Variants in SCAMP4 observed in about 807,000 individuals in gnomAD.
SCAMP4 encodes secretory carrier-associated membrane protein 4.
Under a neutral mutation model 32.1 loss-of-function variants are expected in SCAMP4, and 19 were observed. The observed-to-expected ratio is 0.59, with a 90% CI of 0.41 to 0.87. SCAMP4 has a LOEUF of 0.87. Ranked by LOEUF, SCAMP4 falls within the 40% of genes least tolerant of loss-of-function variation. The pLI, the probability that SCAMP4 is intolerant of heterozygous loss-of-function variation, is 0.00. For synonymous variants in SCAMP4, 152 were observed against 132.7 expected (o/e 1.15, Z -1.00); for missense variants, 302 against 309.0 (o/e 0.98, Z 0.17).
intron 2 of SCAMP4, chr19:1,915,363 T>G: frequency 7.2e-6 from 3 of 415,726 alleles, no homozygotes; most frequent in Non-Finnish European, 1.3e-5. Flanking sequence ...CTGGCAGCCT[T>G]CCCCAGTGGG....
intron 5 of SCAMP4, chr19:1,922,566 C>T (rs117960620): frequency 0.035 from 34,043 of 985,318 alleles, 663 homozygotes; most frequent in Non-Finnish European, 0.038. Context: ...CCTCAGTGCC[C>T]ACCGGGTGAT....
At chr19:1,921,251 C>G (rs1018915438) in intron 5 of SCAMP4, 2 of 985,190 alleles carry the variant, frequency 2.0e-6, no homozygotes, top group Admixed American at 6.1e-5. Flanking sequence ...AGGCGACAGC[C>G]CCGCTCTCCC....
intron 5 of SCAMP4, chr19:1,921,510 G>A: frequency 1.0e-6 from 1 of 985,428 alleles, no homozygotes; most frequent in Non-Finnish European, 1.2e-6. Context: ...CCTCTAAGCG[G>A]AGCATGCAGC....
Position 1,908,528 on chromosome 19 carries a change from C to A in SCAMP4, c.-42+3089C>A, listed in dbSNP as rs752759753. ...TACCAGCGGGGATGTGTAGTCCAGG[C>A]TGGCAGTTCAGGATCACCCGGCTGG... On this transcript the variant is annotated intron_variant, in intron 1 of 6. Transcript: ENST00000316097. The surrounding 1 kb of genome is among the most constrained non-coding windows in gnomAD (Gnocchi z 4.2). 4.2e-6 allele frequency: 2 copies of A among 471,138 alleles called. No individual in the cohort carries two copies. Among genetic ancestry groups the A allele is most frequent in the South Asian group, 3.1e-5 (2 of 64,570 alleles). 29.2% of individuals were successfully genotyped at this position (471,138 alleles called of 1,614,324 possible).
intron 1 of SCAMP4, chr19:1,912,998 A>T: frequency 6.2e-7 from 1 of 1,608,366 alleles, no homozygotes; most frequent in Non-Finnish European, 8.5e-7. Flanking sequence ...TGGTGCACGC[A>T]CGCATCCTGC....
intron 1 of SCAMP4, chr19:1,914,635 C>T (rs576077726): frequency 1.8e-5 from 7 of 382,696 alleles, no homozygotes; most frequent in Non-Finnish European, 3.5e-5. Flanking sequence ...GGCCCTGCAG[C>T]GTTCACCTTG....
Position 1,914,982 on chromosome 19 carries a change from G to T in SCAMP4, c.-38G>T, listed in dbSNP as rs766087796. 1.2e-6 allele frequency: 2 copies of T among 1,613,550 alleles called. No individual in the cohort carries two copies. The highest frequency in any genetic ancestry group is 4.5e-5 in the East Asian group (2 of 44,884). ...ACTGTGGTTGTCTTCCTTCCAGGCG[G>T]CTGCAGGCTTCAGCCTGCGCTGGTT... On this transcript the variant is annotated 5_prime_UTR_variant, in exon 2 of 7. Coordinates refer to ENST00000316097, the MANE Select transcript of SCAMP4 (RefSeq NM_079834.4).
intron 3 of SCAMP4, 33 bp from the exon 4 acceptor site, chr19:1,918,094 G>C: frequency 6.3e-7 from 1 of 1,588,050 alleles, no homozygotes; most frequent in Admixed American, 1.7e-5. Flanking sequence ...ACCCTCCCGT[G>C]CCTGCTCATC....
rs149483810 is a variant in SCAMP4 at position 1,913,261 on chromosome 19, C to T, written c.-41-1718C>T. 5.6e-4 allele frequency: 788 copies of T among 1,404,836 alleles called. 4 individuals are homozygous for T. In the African/African-American group the frequency reaches 0.01, roughly 18 times the overall value. 87.0% of individuals were successfully genotyped at this position (1,404,836 alleles called of 1,614,324 possible). A position where few individuals can be genotyped will look rare whatever the true frequency, so the allele number is the denominator to read the frequency against. On this transcript the variant is annotated intron_variant, in intron 1 of 6. Coordinates refer to ENST00000316097, the MANE Select transcript of SCAMP4 (RefSeq NM_079834.4). ...CAAGCCTGACCGTGGATTTCAGGGA[C>T]ACATACCGCCTCCAGCGGGGAGCAC...
chr19:1,910,789 C>A (rs1206506981), intron 1 of SCAMP4, among the ~76,000 whole-genome samples: 1 of 151,456 alleles, frequency 6.6e-6, no homozygotes, highest in Non-Finnish European at 1.5e-5. Context: ...GTTGGTCAGG[C>A]TGGTCTCGAT....
At position 1,917,774 on chromosome 19, in the gene SCAMP4, C is replaced by G; in HGVS notation, c.88C>G (p.Pro30Ala). 6.2e-7 allele frequency: 1 copy of G among 1,614,000 alleles called. No individual in the cohort carries two copies. Among genetic ancestry groups the G allele is most frequent in the Non-Finnish European group, 8.5e-7 (1 of 1,179,876 alleles). ...CTACCAGAACTTCTCCGACGAGATC[C>G]CAGTGGAGCACCAGGTCCTGGTGAA... ...CFYQNFSDEI[P>A]VEHQVLVKRI... Residue 30 changes from proline to alanine, a missense_variant, in exon 3 of 7, where the codon CCA becomes GCA. Coordinates refer to ENST00000316097, the MANE Select transcript of SCAMP4 (RefSeq NM_079834.4).
rs73916829 is a variant in SCAMP4 at position 1,921,999 on chromosome 19, G to C, written c.396-1071G>C. The C allele has an allele frequency of 1.7e-3, 1,630 of 985,490 alleles. 18 individuals carry two copies. In the African/African-American group the frequency reaches 0.027, roughly 16 times the overall value. The allele number at this position is 985,490 out of a possible 1,614,324, so 61.0% of individuals were successfully genotyped here. On this transcript the variant is annotated intron_variant, in intron 5 of 6. Transcript: ENST00000316097. ...ATAAGCTCCCCGGACACATCCGGGG[G>C]TGTGGGTCCTGCGGGCTGCCTGTGC...
At chr19:1,919,698 C>G (rs756621233) in intron 5 of SCAMP4, among the ~76,000 whole-genome samples, 1 of 151,352 alleles carries the variant, frequency 6.6e-6, no homozygotes, top group Non-Finnish European at 1.5e-5. Context: ...GGGGTTTCAC[C>G]GTGTTGCCCA....
intron 1 of SCAMP4, among the ~76,000 whole-genome samples, chr19:1,907,408 T>TAA (rs2013185618): frequency 2.3e-5 from 3 of 129,072 alleles, no homozygotes; most frequent in African/African-American, 9.5e-5. Flanking sequence ...AAAAAAAAGG[T>TAA]AGAGCAGGAA....
chr19:1,913,438 C>T, intron 1 of SCAMP4: 1 of 544,276 alleles, frequency 1.8e-6, no homozygotes. Flanking sequence ...AATAAACAGC[C>T]CAAAACCAAG....
rs376020426 is a variant in SCAMP4, at chr19:1,912,922, C to T, written c.-41-2057C>T. ...CTGGACGCAGACGAGGACGGCCTCC[C>T]CTACCTGTGCACTGGCTACGACCTG... On this transcript the variant is annotated intron_variant, in intron 1 of 6. Transcript: ENST00000316097. 4 of 1,610,028 alleles carry T rather than the reference C, an allele frequency of 2.5e-6. No individual in the cohort carries two copies. The highest frequency in any genetic ancestry group is 1.3e-5 in the African/African-American group (1 of 74,910).
At chr19:1,920,414 C>G in intron 5 of SCAMP4, 1 of 679,176 alleles carries the variant, frequency 1.5e-6, no homozygotes, top group Non-Finnish European at 1.8e-6. Flanking sequence ...CCCTTCAGGG[C>G]CCCTCGATCT....
chr19:1,924,052 G>A lies in SCAMP4; in HGVS notation c.514-56G>A, dbSNP rs1316981017. 3.2e-5 allele frequency: 48 copies of A among 1,517,898 alleles called. 2 individuals are homozygous for A. The highest frequency in any genetic ancestry group is 1.1e-4 in the South Asian group (9 of 83,654). 94.0% of individuals were successfully genotyped at this position (1,517,898 alleles called of 1,614,324 possible). A position where few individuals can be genotyped will look rare whatever the true frequency, so the allele number is the denominator to read the frequency against. On this transcript the variant is annotated intron_variant, in intron 6 of 6. Coordinates refer to ENST00000316097, the MANE Select transcript of SCAMP4 (RefSeq NM_079834.4). The stretch of plus-strand genomic sequence containing the variant: ...TGGGATGACAGGCGTGAGTCCCCGT[G>A]CCCGGCCGCCATGCTCATTTTCTGT...
rs749274737 is a variant in SCAMP4 at position 1,912,449 on chromosome 19, C to A, written c.-41-2530C>A. On this transcript the variant is annotated intron_variant, in intron 1 of 6. Transcript: ENST00000316097. ...TGCCACGGCCGGCTGTGGACCCCCG[C>A]GGCCTGGGGCAACCCTTCCTGGTGC... is the stretch of plus-strand genomic sequence containing the variant. 2.7e-6 allele frequency: 4 copies of A among 1,506,658 alleles called. No individual in the cohort carries two copies. In the Admixed American group the frequency reaches 6.3e-5, roughly 24 times the overall value. 93.3% of individuals were successfully genotyped at this position (1,506,658 alleles called of 1,614,324 possible). A position where few individuals can be genotyped will look rare whatever the true frequency, so the allele number is the denominator to read the frequency against.
Sources: allele counts gnomAD v4.1 joint callset (sites outside exome capture counted in the v4.1 genomes callset), GRCh38; gene constraint gnomAD v4.1.1; non-coding constraint Gnocchi (gnomAD v3.1); transcripts MANE v1.5; gene names NCBI Gene and HGNC (gene_info 2026-07-23, HGNC 2026-07-21).